ERBB4: variants seen among roughly 807,000 people sequenced by gnomAD.
ERBB4 encodes erb-b2 receptor tyrosine kinase 4, also known as receptor tyrosine-protein kinase erbB-4.
A neutral mutation model predicts 158.0 loss-of-function variants in ERBB4; 42 were observed. The observed-to-expected ratio is 0.27, with a 90% confidence interval of 0.21 to 0.34. ERBB4 has a LOEUF of 0.34. Ranked by LOEUF, ERBB4 falls within the 10% of genes least tolerant of loss-of-function variation. The pLI is 1.00. For synonymous variants in ERBB4, 583 were observed against 558.7 expected (o/e 1.04, Z -0.61); for missense variants, 1,333 against 1,624.1 (o/e 0.82, Z 3.08).
intron 1 of ERBB4, among the ~76,000 whole-genome samples, chr2:212,303,198 C>A (rs2086684520): frequency 6.6e-6 from 1 of 151,432 alleles, no homozygotes; most frequent in South Asian, 2.1e-4. Context: ...CAGTGCCTTT[C>A]AGCAAAAGTG....
intron 1 of ERBB4, among the ~76,000 whole-genome samples, chr2:212,189,668 C>A (rs148421102): frequency 2.0e-5 from 3 of 152,190 alleles, no homozygotes; most frequent in Admixed American, 1.3e-4. Context: ...ATATATACTA[C>A]AAAAACATTA....
At position 212,320,971 on chromosome 2, in the gene ERBB4, T is replaced by C. The variant is rs1187442817; in HGVS notation, c.83-196068A>G. 3.3e-5 allele frequency among the ~76,000 whole-genome samples: 5 copies of C among 150,270 alleles called. 1 individual carries two copies. The highest frequency in any genetic ancestry group is 1.3e-4 in the Admixed American group (2 of 15,030). ...GTTTCTTTTTGTTGTTTTTATATTT[T>C]TATTTTTAAAACACAGATATGAAAA... On this transcript the variant is annotated intron_variant, in intron 1 of 27. Transcript: ENST00000342788.
intron 1 of ERBB4, among the ~76,000 whole-genome samples, chr2:212,359,877 A>G (rs1404662820): frequency 1.3e-5 from 2 of 151,748 alleles, no homozygotes; most frequent in Admixed American, 1.3e-4. Context: ...AAGAAAGAAT[A>G]AGTCATTATT....
chr2:211,972,750 T>C (rs1365538599), intron 2 of ERBB4, among the ~76,000 whole-genome samples: 1 of 152,120 alleles, frequency 6.6e-6, no homozygotes, highest in Non-Finnish European at 1.5e-5. Flanking sequence ...ATACACAAAT[T>C]TATTCAAGAT....
rs1304985824 is a variant in ERBB4 at position 211,478,822 on chromosome 2, T to TC, written c.2488-47723dup. Reference sequence around the variant, plus strand: ...ATGTACTAATGGTAACATCCTTTTTTCTTCAGAAACAAAACCAATTCCAGG... The same window carrying TC: ...ATGTACTAATGGTAACATCCTTTTTTCCTTCAGAAACAAAACCAATTCCAGG... On this transcript the variant is annotated intron_variant, in intron 20 of 27. Transcript: ENST00000342788. 2.0e-5 allele frequency among the ~76,000 whole-genome samples: 3 copies of TC among 152,268 alleles called. No homozygotes were observed. In the East Asian group the frequency reaches 5.8e-4, roughly 29 times the overall value.
intron 1 of ERBB4, among the ~76,000 whole-genome samples, chr2:212,160,669 A>C (rs2081177263): frequency 6.6e-6 from 1 of 152,026 alleles, no homozygotes. Flanking sequence ...AATTCTACTG[A>C]AAATTCATGT....
intron 1 of ERBB4, among the ~76,000 whole-genome samples, chr2:212,156,132 G>C (rs950152482): frequency 2.0e-5 from 3 of 152,100 alleles, no homozygotes; most frequent in African/African-American, 7.2e-5. Context: ...GAAGGAAAGA[G>C]TAGAAAGAGC....
chr2:211,953,303 C>G (rs770040507), intron 2 of ERBB4, among the ~76,000 whole-genome samples: 25 of 151,836 alleles, frequency 1.6e-4, no homozygotes, highest in Middle Eastern at 3.4e-3. Flanking sequence ...TTGATGGGTA[C>G]AGCAAACCAC....
chr2:211,430,526 A>G (rs573896137), intron 21 of ERBB4, among the ~76,000 whole-genome samples: 1 of 152,178 alleles, frequency 6.6e-6, no homozygotes, highest in East Asian at 1.9e-4. Flanking sequence ...ACTTTTCTCT[A>G]ATCTATGAGA....
chr2:211,910,091 C>T (rs1007520821), intron 3 of ERBB4, among the ~76,000 whole-genome samples: 7 of 150,888 alleles, frequency 4.6e-5, no homozygotes, highest in African/African-American at 9.7e-5. Flanking sequence ...AGCTAATTTT[C>T]GTATTTTTAG....
chr2:211,754,089 T>C (rs993785362), intron 4 of ERBB4, among the ~76,000 whole-genome samples: 2 of 152,024 alleles, frequency 1.3e-5, no homozygotes, highest in African/African-American at 2.4e-5. Context: ...CTCGATCTCC[T>C]GACCTCGTGA....
At position 211,378,611 on chromosome 2, in the gene ERBB4, T is replaced by A. The variant is rs1439910767; in HGVS notation, c.*5004A>T. On this transcript the variant is annotated 3_prime_UTR_variant, in exon 28 of 28. Coordinates refer to ENST00000342788, the MANE Select transcript of ERBB4 (RefSeq NM_005235.3). ...ATCTCTGGGATCAGAAAAATTTTATTAATTCTACCCAGAAGTATAAAAACT... is the reference window on the plus strand; with the variant it reads ...ATCTCTGGGATCAGAAAAATTTTATAAATTCTACCCAGAAGTATAAAAACT... 2.6e-5 allele frequency: 6 copies of A among 232,574 alleles called. No individual in the cohort carries two copies. In the East Asian group the frequency reaches 3.6e-4, roughly 14 times the overall value. 14.4% of individuals were successfully genotyped at this position (232,574 alleles called of 1,614,324 possible). A position where few individuals can be genotyped will look rare whatever the true frequency, so the allele number is the denominator to read the frequency against.
chr2:212,050,405 G>A (rs1198171448), intron 2 of ERBB4, among the ~76,000 whole-genome samples: 3 of 152,026 alleles, frequency 2.0e-5, no homozygotes, highest in African/African-American at 4.8e-5. Context: ...CCTCCTGTTT[G>A]CAGATACATA....
chr2:211,461,090 A>C (rs926485687), intron 20 of ERBB4, among the ~76,000 whole-genome samples: 7 of 152,180 alleles, frequency 4.6e-5, no homozygotes, highest in Non-Finnish European at 7.4e-5. Flanking sequence ...TGGGGGAAAA[A>C]AAAAAAATCC....
intron 1 of ERBB4, among the ~76,000 whole-genome samples, chr2:212,372,909 T>C (rs1166278882): frequency 1.3e-5 from 2 of 152,092 alleles, no homozygotes; most frequent in Admixed American, 6.6e-5. Flanking sequence ...CCAATCATCA[T>C]CTCTCAAGAC....
intron 1 of ERBB4, among the ~76,000 whole-genome samples, chr2:212,444,442 T>G (rs992026278): frequency 2.6e-5 from 4 of 152,104 alleles, no homozygotes; most frequent in African/African-American, 9.7e-5. Flanking sequence ...CAAAGCATGA[T>G]TAGAAAATTG....
intron 2 of ERBB4, among the ~76,000 whole-genome samples, chr2:211,964,400 G>A (rs1438219343): frequency 6.6e-6 from 1 of 152,112 alleles, no homozygotes; most frequent in Non-Finnish European, 1.5e-5. Flanking sequence ...ACTTTCAACA[G>A]ATGTTTTTTC....
At chr2:212,536,664 A>G (rs1693084625) in intron 1 of ERBB4, among the ~76,000 whole-genome samples, 1 of 152,226 alleles carries the variant, frequency 6.6e-6, no homozygotes, top group Non-Finnish European at 1.5e-5. Context: ...AATTTGGATT[A>G]CATTCCTTGC....
rs183839710 is a variant in ERBB4 at position 212,501,079 on chromosome 2, A to G, written c.82+37370T>C. The stretch of plus-strand genomic sequence containing the variant: ...CTGTAGACAGATGGGTAAGCTACAC[A>G]ACTCTCTCTTCAGACACATTTGTAC... On this transcript the variant is annotated intron_variant, in intron 1 of 27. Coordinates refer to ENST00000342788, the MANE Select transcript of ERBB4 (RefSeq NM_005235.3). Among the ~76,000 whole-genome samples, 24 of 152,278 alleles carry G rather than the reference A, an allele frequency of 1.6e-4. No individual in the cohort carries two copies. In the East Asian group the frequency reaches 4.4e-3, roughly 28 times the overall value.
Sources: allele counts gnomAD v4.1 joint callset (sites outside exome capture counted in the v4.1 genomes callset), GRCh38; gene constraint gnomAD v4.1.1; transcripts MANE v1.5; gene names NCBI Gene and HGNC (gene_info 2026-07-23, HGNC 2026-07-21).